The following SMAD2 variants were observed in gnomAD, a reference collection of about 807,000 sequenced individuals.
The protein encoded by SMAD2 is SMAD family member 2.
A neutral mutation model predicts 64.4 loss-of-function variants in SMAD2; 8 were observed. The observed-to-expected ratio is 0.12, with a 90% CI of 0.07 to 0.22. SMAD2 has a LOEUF of 0.22. Ranked by LOEUF, SMAD2 falls within the 10% of genes least tolerant of loss-of-function variation. The probability of loss-of-function intolerance (pLI) is 1.00; values close to 1 mark genes in which losing one functional copy is unlikely to be tolerated. For synonymous variants in SMAD2, 203 were observed against 195.8 expected (o/e 1.04, Z -0.31); for missense variants, 289 against 561.2 (o/e 0.51, Z 4.90).
chr18:47,851,794 T>A (rs1163100358), intron 6 of SMAD2, among the ~76,000 whole-genome samples: 1 of 152,226 alleles, frequency 6.6e-6, no homozygotes, highest in Non-Finnish European at 1.5e-5. Context: ...TTGATGGATA[T>A]TCAAGCTATT....
At position 47,930,567 on chromosome 18, in the gene SMAD2, G is replaced by C. The variant is rs1410189479; in HGVS notation, c.-260C>G. On this transcript the variant is annotated 5_prime_UTR_variant, in exon 1 of 11. Transcript: ENST00000262160. ...GGCGGCCCGGGCGCGCGGGAGGGTA[G>C]GGGAAGAGAGGGGAGGGGAGGGGAG... 1 of 149,616 alleles carries C rather than the reference G, an allele frequency of 6.7e-6. No individual in the cohort carries two copies. Among genetic ancestry groups the C allele is most frequent in the African/African-American group, 2.5e-5 (1 of 40,800 alleles). 9.3% of individuals were successfully genotyped at this position (149,616 alleles called of 1,614,324 possible).
In SMAD2 at chr18:47,835,271, T is replaced by TA. The variant is rs1568022412; in HGVS notation, c.*6555dup. The TA allele has an allele frequency of 9.4e-6, 2 of 213,216 alleles. No individual in the cohort carries two copies. Among genetic ancestry groups the TA allele is most frequent in the African/African-American group, 2.3e-5 (1 of 44,230 alleles). 13.2% of individuals were successfully genotyped at this position (213,216 alleles called of 1,614,324 possible). On this transcript the variant is annotated 3_prime_UTR_variant, in exon 11 of 11. Coordinates refer to ENST00000262160, the MANE Select transcript of SMAD2 (RefSeq NM_005901.6). ...ATATTTTGTCAAACAGTTGGGTTTT[T>TA]AAAAAAATTCAAAACTCATGCATGT...
intron 1 of SMAD2, among the ~76,000 whole-genome samples, chr18:47,899,258 G>GT (rs1371816519): frequency 1.3e-5 from 2 of 152,132 alleles, no homozygotes; most frequent in Non-Finnish European, 2.9e-5. Context: ...TAAATTTGCT[G>GT]TGACTATGAA....
chr18:47,880,122 C>T (rs952060789), intron 2 of SMAD2, among the ~76,000 whole-genome samples: 2 of 152,112 alleles, frequency 1.3e-5, no homozygotes, highest in African/African-American at 4.8e-5. Context: ...TATTTTTTAA[C>T]AATGTATTTT....
In SMAD2 at chr18:47,825,230, G is replaced by A. The variant is rs1422174300; in HGVS notation, c.*16597C>T. 1 of 152,206 alleles carries A rather than the reference G, an allele frequency of 6.6e-6. No individual in the cohort carries two copies. Among genetic ancestry groups the A allele is most frequent in the Non-Finnish European group, 1.5e-5 (1 of 68,038 alleles). The allele number at this position is 152,206 out of a possible 1,614,324, so 9.4% of individuals were successfully genotyped here. Reference sequence around the variant, plus strand: ...CTGAACATTTGGGTAGAAATACTGAGCACTGCTATGGTCTGTCTCCCAAAC... The same window carrying A: ...CTGAACATTTGGGTAGAAATACTGAACACTGCTATGGTCTGTCTCCCAAAC... On this transcript the variant is annotated 3_prime_UTR_variant, in exon 11 of 11. Transcript: ENST00000262160.
chr18:47,860,836 TA>T (rs1199249823), intron 6 of SMAD2, among the ~76,000 whole-genome samples: 4 of 152,176 alleles, frequency 2.6e-5, no homozygotes, highest in African/African-American at 9.6e-5. Flanking sequence ...CAGCCATTTA[TA>T]AAACACAATT....
intron 6 of SMAD2, among the ~76,000 whole-genome samples, chr18:47,853,030 T>A (rs953711923): frequency 6.6e-6 from 1 of 152,124 alleles, no homozygotes. Context: ...AAGAGCATAA[T>A]TGTAGAATAA....
intron 8 of SMAD2, among the ~76,000 whole-genome samples, chr18:47,847,754 T>A (rs1431201164): frequency 6.6e-6 from 1 of 150,840 alleles, no homozygotes; most frequent in Non-Finnish European, 1.5e-5. Flanking sequence ...TCATGTCTAG[T>A]GTAACAGAAT....
At chr18:47,885,565 G>C (rs1246302474) in intron 2 of SMAD2, among the ~76,000 whole-genome samples, 1 of 152,130 alleles carries the variant, frequency 6.6e-6, no homozygotes, top group African/African-American at 2.4e-5. Flanking sequence ...CTTAAAATAA[G>C]TGCATAAAAT....
intron 2 of SMAD2, among the ~76,000 whole-genome samples, chr18:47,893,231 G>A (rs113726413): frequency 6.6e-6 from 1 of 152,138 alleles, no homozygotes; most frequent in Non-Finnish European, 1.5e-5. Context: ...CGACAGTGAC[G>A]TATCTATAAC....
intron 2 of SMAD2, among the ~76,000 whole-genome samples, chr18:47,886,069 T>C (rs1049058449): frequency 3.9e-5 from 6 of 152,252 alleles, no homozygotes; most frequent in African/African-American, 1.4e-4. Context: ...TTTGGAGATA[T>C]GGGGTATCCC....
At chr18:47,879,853 T>G (rs1436583043) in intron 2 of SMAD2, among the ~76,000 whole-genome samples, 2 of 152,164 alleles carry the variant, frequency 1.3e-5, no homozygotes, top group Non-Finnish European at 2.9e-5. Context: ...ACATTTGGTG[T>G]GGTCAGTCTT....
intron 2 of SMAD2, among the ~76,000 whole-genome samples, chr18:47,875,980 A>T (rs2032241200): frequency 6.6e-6 from 1 of 152,028 alleles, no homozygotes; most frequent in African/African-American, 2.4e-5. Context: ...CATTTAAATA[A>T]TATTAAAGGA....
rs781677330 is a variant in SMAD2 at position 47,841,961 on chromosome 18, G to T, written c.1281-11C>A. The T allele has an allele frequency of 6.2e-7, 1 of 1,613,996 alleles. No homozygotes were observed. ...GTTACCGTCTGCCTTCTGTTTAAAA[G>T]AATACAGGAAAATGATTATGAAATT... On this transcript the variant is annotated splice_polypyrimidine_tract_variant and intron_variant, in intron 10 of 10. Coordinates refer to ENST00000262160, the MANE Select transcript of SMAD2 (RefSeq NM_005901.6).
At chr18:47,906,711 G>A (rs574724021) in intron 1 of SMAD2, among the ~76,000 whole-genome samples, 53 of 152,262 alleles carry the variant, frequency 3.5e-4, no homozygotes, top group African/African-American at 1.1e-3. Context: ...AGTGTCTGAG[G>A]GGAAGTTCGT....
At chr18:47,858,274 T>C (rs1389336515) in intron 6 of SMAD2, among the ~76,000 whole-genome samples, 1 of 151,952 alleles carries the variant, frequency 6.6e-6, no homozygotes, top group Non-Finnish European at 1.5e-5. Context: ...AGCTAAAAAA[T>C]AAAGGATCTG....
rs1252664721 is a variant in SMAD2 at position 47,813,862 on chromosome 18, T to C, written c.*27965A>G. The C allele has an allele frequency of 1.3e-5, 2 of 151,854 alleles. No homozygotes were observed. Among genetic ancestry groups the C allele is most frequent in the East Asian group, 1.9e-4 (1 of 5,162 alleles). 9.4% of individuals were successfully genotyped at this position (151,854 alleles called of 1,614,324 possible). A position where few individuals can be genotyped will look rare whatever the true frequency, so the allele number is the denominator to read the frequency against. Reference sequence around the variant, plus strand: ...AGAGATATCCAAGGCAGAACAAAGCTCATAATTTAACAAGAAAGGTAGGCA... The same window carrying C: ...AGAGATATCCAAGGCAGAACAAAGCCCATAATTTAACAAGAAAGGTAGGCA... On this transcript the variant is annotated 3_prime_UTR_variant, in exon 11 of 11. Transcript: ENST00000262160.
intron 8 of SMAD2, among the ~76,000 whole-genome samples, chr18:47,847,535 T>C (rs891867446): frequency 1.3e-5 from 2 of 151,530 alleles, no homozygotes; most frequent in Non-Finnish European, 2.9e-5. Flanking sequence ...AAAATGACCA[T>C]ATTAGATATA....
In SMAD2 at chr18:47,840,218, G is replaced by A. The variant is rs1913811483; in HGVS notation, c.*1609C>T. 4.3e-6 allele frequency: 1 copy of A among 232,918 alleles called. No individual in the cohort carries two copies. Among genetic ancestry groups the A allele is most frequent in the African/African-American group, 2.2e-5 (1 of 45,310 alleles). The allele number at this position is 232,918 out of a possible 1,614,324, so 14.4% of individuals were successfully genotyped here. On this transcript the variant is annotated 3_prime_UTR_variant, in exon 11 of 11. Coordinates refer to ENST00000262160, the MANE Select transcript of SMAD2 (RefSeq NM_005901.6). The stretch of plus-strand genomic sequence containing the variant: ...TTGAAAATGATACCTATAGAGACAG[G>A]TGGATATGATTTCAAAGAACAAGTA...
Sources: gnomAD v4.1 joint callset for allele counts (sites outside exome capture counted in the v4.1 genomes callset) on GRCh38, gnomAD v4.1.1 for gene constraint, MANE v1.5 for transcripts, NCBI Gene and HGNC (gene_info 2026-07-23, HGNC 2026-07-21) for gene names.